Variants in GPHN observed in about 807,000 individuals in gnomAD.
GPHN encodes gephyrin.
In GPHN, 17 loss-of-function variants were observed where a neutral mutation model predicts 95.5. The observed-to-expected ratio is 0.18, with a 90% CI of 0.12 to 0.27. GPHN has a LOEUF of 0.27. Among genes scored for constraint, GPHN ranks in the 10% least tolerant of loss-of-function variants. The pLI is 1.00. For synonymous variants in GPHN, 320 were observed against 322.5 expected, an observed-to-expected ratio of 0.99 and a Z score of 0.08; for missense variants, 660 against 978.1, an observed-to-expected ratio of 0.67 and a Z score of 4.34.
the GPHN span, among the ~76,000 whole-genome samples, chr14:67,530,308 G>T: frequency 6.6e-6 from 1 of 152,100 alleles, no homozygotes; most frequent in East Asian, 1.9e-4. Context: ...TACAAACATG[G>T]AATTAATTCA....
chr14:67,082,832 T>C (rs2153664014), intron 11 of GPHN, among the ~76,000 whole-genome samples: 1 of 152,358 alleles, frequency 6.6e-6, no homozygotes, highest in South Asian at 2.1e-4. Flanking sequence ...TTTATGGCTA[T>C]GTAATGTTTC....
the GPHN span, among the ~76,000 whole-genome samples, chr14:67,291,116 T>C: frequency 6.6e-6 from 1 of 151,916 alleles, no homozygotes; most frequent in African/African-American, 2.4e-5. Context: ...ACCATAAATA[T>C]AATTAAGAGG....
chr14:66,643,974 C>G lies in GPHN; in HGVS notation c.65-37133C>G, dbSNP rs530646317. Among the ~76,000 whole-genome samples the G allele has an allele frequency of 2.6e-5, 4 of 152,002 alleles. No individual in the cohort carries two copies. The South Asian group carries it at 8.3e-4, about 32-fold the overall frequency. On this transcript the variant is annotated intron_variant, in intron 1 of 22. Coordinates refer to ENST00000478722, the MANE Select transcript of GPHN (RefSeq NM_020806.5). ...TAGATAGGAGAAGTATATGCATAAT[C>G]AAAGACAGCCAACTGAGCCAGCTGA...
At chr14:66,677,737 C>A (rs1196508531) in intron 1 of GPHN, among the ~76,000 whole-genome samples, 1 of 151,868 alleles carries the variant, frequency 6.6e-6, no homozygotes, top group East Asian at 1.9e-4. Flanking sequence ...GTGCTGATGT[C>A]AAAAAATGGA....
intron 21 of GPHN, among the ~76,000 whole-genome samples, chr14:67,174,597 G>A (rs912492179): frequency 5.4e-4 from 82 of 152,182 alleles, no homozygotes; most frequent in African/African-American, 1.9e-3. Flanking sequence ...TATATACCCA[G>A]TAATGGGATG....
chr14:66,743,004 A>G (rs1014501696), intron 2 of GPHN, among the ~76,000 whole-genome samples: 4 of 151,742 alleles, frequency 2.6e-5, no homozygotes, highest in Non-Finnish European at 4.4e-5. Flanking sequence ...TTAATACTTA[A>G]GTTTCTTTTT....
At chr14:67,226,106 C>T in the GPHN span, among the ~76,000 whole-genome samples, 1 of 152,216 alleles carries the variant, frequency 6.6e-6, no homozygotes, top group Non-Finnish European at 1.5e-5. Flanking sequence ...AATCAAGGTG[C>T]TCACTCTTCT....
chr14:66,763,582 A>G (rs1461159023), intron 2 of GPHN, among the ~76,000 whole-genome samples: 1 of 151,566 alleles, frequency 6.6e-6, no homozygotes, highest in African/African-American at 2.4e-5. Flanking sequence ...ATCATTTTTT[A>G]TGGCTGCATA....
intron 1 of GPHN, among the ~76,000 whole-genome samples, chr14:66,648,259 TAAG>T (rs1384141472): frequency 1.3e-5 from 2 of 152,080 alleles, no homozygotes; most frequent in Non-Finnish European, 2.9e-5. Flanking sequence ...CTCTTGAAAA[TAAG>T]AAATAATGTT....
At chr14:66,656,729 A>G (rs1417178917) in intron 1 of GPHN, among the ~76,000 whole-genome samples, 15 of 152,334 alleles carry the variant, frequency 9.8e-5, no homozygotes, top group Admixed American at 7.2e-4. Flanking sequence ...TTGGCTTACC[A>G]TGAACCACAT....
chr14:66,779,460 TAATA>T (rs553658465), intron 3 of GPHN, among the ~76,000 whole-genome samples: 1 of 152,116 alleles, frequency 6.6e-6, no homozygotes, highest in Non-Finnish European at 1.5e-5. Context: ...TTTAAGCAAT[TAATA>T]AATATATATA....
At chr14:67,160,977 G>C (rs1297143407) in intron 19 of GPHN, among the ~76,000 whole-genome samples, 1 of 152,140 alleles carries the variant, frequency 6.6e-6, no homozygotes, top group African/African-American at 2.4e-5. Flanking sequence ...GCTGCTGATA[G>C]GGCCTTTTTA....
the GPHN span, among the ~76,000 whole-genome samples, chr14:67,350,912 C>T: frequency 6.6e-6 from 1 of 152,110 alleles, no homozygotes; most frequent in Non-Finnish European, 1.5e-5. Context: ...AGAATAAATG[C>T]ATTGAGAAAC....
chr14:67,365,008 GGTAA>G, the GPHN span: 1 of 1,575,448 alleles, frequency 6.3e-7, no homozygotes, highest in Non-Finnish European at 8.6e-7. Flanking sequence ...CAAAGAAAAA[GGTAA>G]GTGAGAAAAA....
At chr14:67,559,572 T>A in the GPHN span, 1 of 1,426,594 alleles carries the variant, frequency 7.0e-7, no homozygotes, top group Non-Finnish European at 9.7e-7. Context: ...TCCTGGTGAT[T>A]GTTGGGATTA....
the GPHN span, among the ~76,000 whole-genome samples, chr14:67,712,493 C>CAAAAAAAAAAAAAAAAAAAAAAA: frequency 1.0e-4 from 4 of 38,924 alleles, no homozygotes; most frequent in Non-Finnish European, 3.0e-4. Flanking sequence ...AAAAAACTTG[C>CAAAAAAAAAAAAAAAAAAAAAAA]AAAAAAAAAA....
chr14:67,331,390 G>C, the GPHN span, among the ~76,000 whole-genome samples: 1 of 151,998 alleles, frequency 6.6e-6, no homozygotes, highest in Non-Finnish European at 1.5e-5. Flanking sequence ...TAGAAGTGCT[G>C]AAGTAAAACA....
intron 18 of GPHN, 44 bp from the exon 19 acceptor site, chr14:67,159,371 A>G (rs2081829455): frequency 1.9e-6 from 2 of 1,077,548 alleles, no homozygotes; most frequent in Non-Finnish European, 2.9e-6. Flanking sequence ...AAAGTCTAAT[A>G]TTAAAATGTT....
the GPHN span, among the ~76,000 whole-genome samples, chr14:67,255,885 C>T: frequency 6.6e-6 from 1 of 152,184 alleles, no homozygotes; most frequent in Non-Finnish European, 1.5e-5. Context: ...CGGGGTTTCA[C>T]CATGTTGGCC....
Sources: allele counts gnomAD v4.1 joint callset (sites outside exome capture counted in the v4.1 genomes callset), GRCh38; gene constraint gnomAD v4.1.1; transcripts MANE v1.5; gene names NCBI Gene and HGNC (gene_info 2026-07-23, HGNC 2026-07-21).